The following FAAH variants were observed in gnomAD, a reference collection of about 807,000 sequenced individuals.
FAAH encodes fatty-acid amide hydrolase 1.
In FAAH, 63 loss-of-function variants were observed where a neutral mutation model predicts 69.7. That is an observed-to-expected ratio of 0.90 (90% CI 0.74 to 1.12). FAAH has a LOEUF of 1.12. Among genes scored for constraint, FAAH ranks in the 50% most tolerant of loss-of-function variants. The pLI, the probability that FAAH is intolerant of heterozygous loss-of-function variation, is 0.00. For missense variants in FAAH, 680 were observed against 755.0 expected (o/e 0.90, Z 1.16); for synonymous variants, 305 against 324.2 (o/e 0.94, Z 0.64).
intron 7 of FAAH, 105 bp downstream of exon 7, chr1:46,406,473 C>G (rs1166128817): frequency 3.3e-6 from 5 of 1,537,396 alleles, no homozygotes. Context: ...AACCGTCCCC[C>G]AGGCCTCTGA....
At position 46,410,816 on chromosome 1, in the gene FAAH, G is replaced by T; in HGVS notation, c.1278G>T (p.Leu426=). 1.9e-6 allele frequency: 3 copies of T among 1,614,218 alleles called. No homozygotes were observed. The highest frequency in any genetic ancestry group is 1.7e-5 in the Admixed American group (1 of 60,026). The change falls in exon 11 of 15, where the codon CTG becomes CTT. Residue 426 remains leucine (L), a splice_region_variant and synonymous_variant. Transcript: ENST00000243167. This position sits in a 1 kb window ranked among gnomAD's most constrained non-coding sequence, Gnocchi z 4.9. ...GLLAFLVKPL[L]PRLSAFLSNM... ...GACCCTGCGTCTGTCCTGTGCAGCT[G>T]CCAAGGCTGTCAGCTTTCCTCAGCA...
Position 46,402,129 on chromosome 1 carries a change from C to G in FAAH, c.234C>G (p.Pro78=). Residue 78 remains proline, a synonymous_variant, in exon 2 of 15, where the codon CCC becomes CCG. Coordinates refer to ENST00000243167, the MANE Select transcript of FAAH (RefSeq NM_001441.3). Reference sequence around the variant, plus strand: ...ACTCAGAGGCGCTGCTAGCCCTGCCCCTGCCTCAGCTGGTGCAGAAGTTAC... The same window carrying G: ...ACTCAGAGGCGCTGCTAGCCCTGCCGCTGCCTCAGCTGGTGCAGAAGTTAC... The part of the protein sequence containing the change: ...DLDSEALLAL[P]LPQLVQKLHS... The G allele has an allele frequency of 6.2e-7, 1 of 1,610,362 alleles. No individual in the cohort carries two copies. Among genetic ancestry groups the G allele is most frequent in the Non-Finnish European group, 8.5e-7 (1 of 1,178,350 alleles).
At chr1:46,402,281 C>T in intron 2 of FAAH, 77 bp downstream of exon 2, 1 of 1,235,456 alleles carries the variant, frequency 8.1e-7, no homozygotes, top group Non-Finnish European at 1.2e-6. Context: ...TCCCCTCCCT[C>T]TGTCCGCACA....
rs1664794619 is a variant in FAAH, at chr1:46,406,342, G to A, written c.925G>A (p.Val309Met). The change falls in exon 7 of 15, where the codon GTG becomes ATG. Residue 309 changes from valine to methionine, a missense_variant. Coordinates refer to ENST00000243167, the MANE Select transcript of FAAH (RefSeq NM_001441.3). ...GGACATGTTCCGCTTGGACCCCACT[G>A]TGCCTCCCTTGCCCTTCAGAGAAGA... ...CEDMFRLDPT[V>M]PPLPFREEVY... is the part of the protein sequence containing the mutation. The A allele has an allele frequency of 6.2e-7, 1 of 1,614,102 alleles. No homozygotes were observed. Among genetic ancestry groups the A allele is most frequent in the Non-Finnish European group, 8.5e-7 (1 of 1,180,048 alleles).
In FAAH at chr1:46,413,721, C is replaced by T; in HGVS notation, c.*146C>T. ...CTCCCCCAACCCCCTGCAAGAAGCG[C>T]CGACTCCCTGAGTCTGGACCTCCAT... On this transcript the variant is annotated 3_prime_UTR_variant, in exon 15 of 15. Coordinates refer to ENST00000243167, the MANE Select transcript of FAAH (RefSeq NM_001441.3). 8.4e-7 allele frequency: 1 copy of T among 1,187,428 alleles called. No homozygotes were observed. Among genetic ancestry groups the T allele is most frequent in the South Asian group, 1.3e-5 (1 of 76,174 alleles). The allele number at this position is 1,187,428 out of a possible 1,614,324, so 73.6% of individuals were successfully genotyped here.
In FAAH at chr1:46,413,240, T is replaced by C; in HGVS notation, c.1611+20T>C. 6.2e-7 allele frequency: 1 copy of C among 1,613,892 alleles called. No individual in the cohort carries two copies. The highest frequency in any genetic ancestry group is 8.5e-7 in the Non-Finnish European group (1 of 1,179,966). On this transcript the variant is annotated intron_variant, in intron 14 of 14. Transcript: ENST00000243167. The stretch of plus-strand genomic sequence containing the variant: ...CAGAAGGTGAGGACTGACCTGCCCC[T>C]CAACTGGACTCACTCCCCACCCTGA...
chr1:46,405,939 T>C lies in FAAH; in HGVS notation c.786-99T>C. Reference sequence around the variant, plus strand: ...AGTACCACTGGCCGGGCGTGGGTCCTAGTTTCCAAAGCGGTGAGTGTTCAG... The same window carrying C: ...AGTACCACTGGCCGGGCGTGGGTCCCAGTTTCCAAAGCGGTGAGTGTTCAG... On this transcript the variant is annotated intron_variant, in intron 5 of 14. Transcript: ENST00000243167. This position sits in a 1 kb window ranked among gnomAD's most constrained non-coding sequence, Gnocchi z 4.1. 6.2e-7 allele frequency: 1 copy of C among 1,612,724 alleles called. No homozygotes were observed. Among genetic ancestry groups the C allele is most frequent in the Non-Finnish European group, 8.5e-7 (1 of 1,179,858 alleles).
Position 46,404,819 on chromosome 1 carries a change from C to G in FAAH, c.310-195C>G, listed in dbSNP as rs1025802075. Among the ~76,000 whole-genome samples, 12 of 152,210 alleles carry G rather than the reference C, an allele frequency of 7.9e-5. No homozygotes were observed. Among genetic ancestry groups the G allele is most frequent in the African/African-American group, 2.9e-4 (12 of 41,446 alleles). On this transcript the variant is annotated intron_variant, in intron 2 of 14. Coordinates refer to ENST00000243167, the MANE Select transcript of FAAH (RefSeq NM_001441.3). The surrounding 1 kb of genome is among the most constrained non-coding windows in gnomAD (Gnocchi z 4.5). ...AGGCCAGAGACAGCCAGGATGAGGC[C>G]TGGGCCAAATGTCCCTAGTGAGGCA...
chr1:46,412,245 G>T lies in FAAH; in HGVS notation c.1459G>T (p.Ala487Ser), dbSNP rs2148454002. 6.4e-7 allele frequency: 1 copy of T among 1,552,270 alleles called. No individual in the cohort carries two copies. Among genetic ancestry groups the T allele is most frequent in the East Asian group, 2.4e-5 (1 of 40,988 alleles). Residue 487 changes from alanine (A) to serine (S), a missense_variant, in exon 13 of 15, where the codon GCC becomes TCC. Physicochemically the swap from Ala to Ser is moderately conservative, Grantham distance 99. Transcript: ENST00000243167. The part of the protein sequence containing the change: ...PALDLNAPGR[A>S]TGAVSYTMLY... Reference sequence around the variant, plus strand: ...TCTGGACTTGAATGCCCCAGGCAGGGCCACAGGTGAGGCCCGACACCCTGC... The same window carrying T: ...TCTGGACTTGAATGCCCCAGGCAGGTCCACAGGTGAGGCCCGACACCCTGC...
intron 1 of FAAH, 117 bp downstream of exon 1, chr1:46,394,660 T>G: frequency 2.3e-6 from 2 of 868,320 alleles, no homozygotes; most frequent in Non-Finnish European, 3.1e-6. Context: ...TGTGTAACTC[T>G]CCAGAATCTC....
Position 46,410,924 on chromosome 1 carries a change from C to T in FAAH, c.1316+70C>T. ...ATCCGAGTCTGGGTCTGGGTAGTTT[C>T]TGACAGGAAAGGACTTGAGGGAAGT... On this transcript the variant is annotated intron_variant, in intron 11 of 14. Coordinates refer to ENST00000243167, the MANE Select transcript of FAAH (RefSeq NM_001441.3). This position sits in a 1 kb window ranked among gnomAD's most constrained non-coding sequence, Gnocchi z 4.9. 6.3e-7 allele frequency: 1 copy of T among 1,599,276 alleles called. No individual in the cohort carries two copies. Among genetic ancestry groups the T allele is most frequent in the Non-Finnish European group, 8.6e-7 (1 of 1,166,584 alleles).
intron 2 of FAAH, among the ~76,000 whole-genome samples, chr1:46,403,236 T>C (rs1664735478): frequency 6.6e-6 from 1 of 152,092 alleles, no homozygotes; most frequent in Non-Finnish European, 1.5e-5. Context: ...GTTCAAGTGA[T>C]TCTCATACCT....
chr1:46,410,213 T>C lies in FAAH; in HGVS notation c.1176-185T>C. ...CTTGGGGAGCTCCCGTGGATGTGGG[T>C]TGCAGCCCAGGCATCCCAAAGGATC... is the stretch of plus-strand genomic sequence containing the variant. On this transcript the variant is annotated intron_variant, in intron 9 of 14. Transcript: ENST00000243167. The surrounding 1 kb of genome is among the most constrained non-coding windows in gnomAD (Gnocchi z 4.9). The C allele has an allele frequency of 1.5e-6, 1 of 679,212 alleles. No homozygotes were observed. The highest frequency in any genetic ancestry group is 2.6e-5 in the East Asian group (1 of 38,594). The allele number at this position is 679,212 out of a possible 1,614,324, so 42.1% of individuals were successfully genotyped here.
In FAAH at chr1:46,411,762, G is replaced by A; in HGVS notation, c.1356+111G>A. The A allele has an allele frequency of 1.6e-6, 2 of 1,231,288 alleles. No individual in the cohort carries two copies. Among genetic ancestry groups the A allele is most frequent in the South Asian group, 2.6e-5 (2 of 77,102 alleles). The allele number at this position is 1,231,288 out of a possible 1,614,324, so 76.3% of individuals were successfully genotyped here. A position where few individuals can be genotyped will look rare whatever the true frequency, so the allele number is the denominator to read the frequency against. On this transcript the variant is annotated intron_variant, in intron 12 of 14. Transcript: ENST00000243167. The surrounding 1 kb of genome is among the most constrained non-coding windows in gnomAD (Gnocchi z 4.8). ...ACTGCCCCCATGGGGCTCCTAGACT[G>A]GCCTGTCATCCCCCTTCCACTCCCT...
intron 1 of FAAH, among the ~76,000 whole-genome samples, chr1:46,401,697 G>A (rs1179614776): frequency 6.6e-6 from 1 of 152,166 alleles, no homozygotes; most frequent in Non-Finnish European, 1.5e-5. Flanking sequence ...TGACATCAGC[G>A]TGGTGTTGGC....
rs1223283482 is a variant in FAAH, at chr1:46,406,260, C to T, written c.843C>T (p.Gly281=). 6.2e-6 allele frequency: 10 copies of T among 1,614,082 alleles called. No homozygotes were observed. In the East Asian group the frequency reaches 6.7e-5, roughly 11 times the overall value. ...YGQEAVRLSV[G]PMARDVESLA... is the part of the protein sequence containing the mutation. Reference sequence around the variant, plus strand: ...GCCCCACAGTGCGTCTCTCCGTGGGCCCCATGGCCCGGGACGTGGAGAGCC... The same window carrying T: ...GCCCCACAGTGCGTCTCTCCGTGGGTCCCATGGCCCGGGACGTGGAGAGCC... The change falls in exon 7 of 15, where the codon GGC becomes GGT. Residue 281 remains glycine, a synonymous_variant. Coordinates refer to ENST00000243167, the MANE Select transcript of FAAH (RefSeq NM_001441.3).
chr1:46,405,385 C>T lies in FAAH; in HGVS notation c.458C>T (p.Thr153Met), dbSNP rs200387346. The T allele has an allele frequency of 4.3e-6, 7 of 1,611,294 alleles. No individual in the cohort carries two copies. The highest frequency in any genetic ancestry group is 5.9e-6 in the Non-Finnish European group (7 of 1,180,022). Residue 153 changes from threonine to methionine, a missense_variant, in exon 4 of 15, where the codon ACG becomes ATG. Coordinates refer to ENST00000243167, the MANE Select transcript of FAAH (RefSeq NM_001441.3). The surrounding 1 kb of genome is among the most constrained non-coding windows in gnomAD (Gnocchi z 4.1). ...ECFTYKGQDS[T>M]LGLSLNEGVP... ...CCCTCCTCCCAGGGCCAGGACTCCA[C>T]GCTGGGCTTGAGCCTGAATGAAGGG...
At chr1:46,412,312 C>T (rs1439264757) in intron 13 of FAAH, 61 bp downstream of exon 13, 26 of 1,393,344 alleles carry the variant, frequency 1.9e-5, no homozygotes, top group East Asian at 1.2e-4. Context: ...TGCAGGGCTG[C>T]GAGGAAATGG....
chr1:46,396,755 T>A (rs1165533658), intron 1 of FAAH, among the ~76,000 whole-genome samples: 1 of 152,148 alleles, frequency 6.6e-6, no homozygotes, highest in Non-Finnish European at 1.5e-5. Flanking sequence ...GCAGAAGAAT[T>A]TCTCTTAGTA....
Sources: gnomAD v4.1 joint callset for allele counts (sites outside exome capture counted in the v4.1 genomes callset) on GRCh38, gnomAD v4.1.1 for gene constraint, Gnocchi (gnomAD v3.1) non-coding constraint, MANE v1.5 for transcripts, NCBI Gene and HGNC (gene_info 2026-07-23, HGNC 2026-07-21) for gene names.